The following CHRM2 variants were observed in gnomAD, a reference collection of about 807,000 sequenced individuals.
The protein encoded by CHRM2 is muscarinic acetylcholine receptor M2.
Under a neutral mutation model 25.0 loss-of-function variants are expected in CHRM2, and 8 were observed. The observed-to-expected ratio is 0.32, with a 90% CI of 0.19 to 0.58. The LOEUF (loss-of-function observed/expected upper bound fraction) is 0.58, where lower values mean the gene tolerates loss of function less well. Among genes scored for constraint, CHRM2 ranks in the 20% least tolerant of loss-of-function variants. The pLI is 0.88. For synonymous variants in CHRM2, 202 were observed against 205.7 expected (o/e 0.98, Z 0.15); for missense variants, 440 against 567.1 (o/e 0.78, Z 2.28).
chr7:137,015,851 C>A lies in CHRM2; in HGVS notation c.986C>A (p.Thr329Asn). Residue 329 changes from threonine (T) to asparagine (N), a missense_variant, in exon 4 of 4, where the codon ACC (threonine) becomes AAC (asparagine). Physicochemically the swap from Thr to Asn is moderately conservative, Grantham distance 65. Transcript: ENST00000680005. The surrounding 1 kb of genome is among the most constrained non-coding windows in gnomAD (Gnocchi z 5.1). ...NSKQTCIRIG[T>N]KTPKSDSCTP... ...AAGCAAACATGCATCAGAATTGGCACCAAGACCCCAAAAAGTGACTCATGT... is the reference window on the plus strand; with the variant it reads ...AAGCAAACATGCATCAGAATTGGCAACAAGACCCCAAAAAGTGACTCATGT... 6.2e-7 allele frequency: 1 copy of A among 1,612,984 alleles called. No homozygotes were observed. The highest frequency in any genetic ancestry group is 1.3e-5 in the African/African-American group (1 of 74,910).
intron 2 of CHRM2, among the ~76,000 whole-genome samples, chr7:136,989,474 T>C (rs1803074006): frequency 6.6e-6 from 1 of 152,152 alleles, no homozygotes; most frequent in South Asian, 2.1e-4. Context: ...CTATCTTGTC[T>C]TGCAAACTAA....
At chr7:137,006,418 G>A (rs1286549652) in intron 3 of CHRM2, among the ~76,000 whole-genome samples, 1 of 152,030 alleles carries the variant, frequency 6.6e-6, no homozygotes, top group Non-Finnish European at 1.5e-5. Context: ...TTTTGAAGAG[G>A]AGAAAAGATA....
At chr7:136,894,734 A>G (rs1329394858) in intron 2 of CHRM2, among the ~76,000 whole-genome samples, 3 of 152,130 alleles carry the variant, frequency 2.0e-5, no homozygotes, top group Non-Finnish European at 4.4e-5. Context: ...AAATGTTCTT[A>G]ATGGTTTTTA....
At chr7:136,953,372 T>A (rs760038607) in intron 2 of CHRM2, among the ~76,000 whole-genome samples, 1 of 152,210 alleles carries the variant, frequency 6.6e-6, no homozygotes, top group Non-Finnish European at 1.5e-5. Context: ...TGATCCTCTA[T>A]AAATTACCAA....
At chr7:136,999,690 TG>T (rs1266851629) in intron 3 of CHRM2, among the ~76,000 whole-genome samples, 2 of 152,190 alleles carry the variant, frequency 1.3e-5, no homozygotes, top group African/African-American at 4.8e-5. Context: ...ATTCTTGCTC[TG>T]GATATCCAAA....
At chr7:136,897,897 C>A (rs1163725841) in intron 2 of CHRM2, among the ~76,000 whole-genome samples, 1 of 152,074 alleles carries the variant, frequency 6.6e-6, no homozygotes, top group Non-Finnish European at 1.5e-5. Context: ...AAATAAAATT[C>A]TAAATGTCAT....
chr7:136,949,623 G>A (rs929090804), intron 2 of CHRM2, among the ~76,000 whole-genome samples: 2 of 151,934 alleles, frequency 1.3e-5, no homozygotes, highest in African/African-American at 4.8e-5. Flanking sequence ...ACAAGATCCT[G>A]TATTGAAAAG....
intron 3 of CHRM2, among the ~76,000 whole-genome samples, chr7:137,006,929 C>T (rs324644): frequency 0.52 from 78,734 of 151,428 alleles, 21,744 homozygotes; most frequent in African/African-American, 0.66. Context: ...TTTCTGTGTG[C>T]TTTTGAACCT....
chr7:136,977,592 C>T (rs1055431598), intron 2 of CHRM2, among the ~76,000 whole-genome samples: 3 of 152,148 alleles, frequency 2.0e-5, no homozygotes, highest in Non-Finnish European at 2.9e-5. Flanking sequence ...AGGTTTCTCA[C>T]AGAAATTACT....
rs1407356378 is a variant in CHRM2, at chr7:136,869,386, C to G, written c.-157C>G. The G allele has an allele frequency of 6.6e-6, 1 of 152,344 alleles. No individual in the cohort carries two copies. The highest frequency in any genetic ancestry group is 1.5e-5 in the Non-Finnish European group (1 of 68,174). 9.4% of individuals were successfully genotyped at this position (152,344 alleles called of 1,614,324 possible). ...CCTTCAAGCCTCCACCACCTCGCAG[C>G]CGGGGAGGCAACTGGAGCGAAACCA... is the stretch of plus-strand genomic sequence containing the variant. On this transcript the variant is annotated 5_prime_UTR_variant, in exon 2 of 4. Coordinates refer to ENST00000680005, the MANE Select transcript of CHRM2 (RefSeq NM_001006630.2). This position sits in a 1 kb window ranked among gnomAD's most constrained non-coding sequence, Gnocchi z 4.9.
chr7:136,920,935 A>G (rs1436432046), intron 2 of CHRM2, among the ~76,000 whole-genome samples: 2 of 152,092 alleles, frequency 1.3e-5, no homozygotes, highest in Non-Finnish European at 2.9e-5. Context: ...TTTCCTAAAT[A>G]TCCCTTCTAA....
chr7:136,950,597 C>T (rs1800350332), intron 2 of CHRM2, among the ~76,000 whole-genome samples: 1 of 152,006 alleles, frequency 6.6e-6, no homozygotes, highest in African/African-American at 2.4e-5. Context: ...AATAAAAATT[C>T]CAGTGAACGA....
At chr7:136,987,334 C>G (rs1802924679) in intron 2 of CHRM2, among the ~76,000 whole-genome samples, 1 of 152,198 alleles carries the variant, frequency 6.6e-6, no homozygotes, top group Admixed American at 6.5e-5. Context: ...CTCTATGTCA[C>G]TGGGCTTCCT....
At chr7:136,999,535 T>C (rs1439458693) in intron 3 of CHRM2, among the ~76,000 whole-genome samples, 3 of 151,998 alleles carry the variant, frequency 2.0e-5, no homozygotes, top group African/African-American at 7.2e-5. Flanking sequence ...CTCCTAATGC[T>C]ATCCCTCCCC....
At chr7:136,879,414 G>C (rs554471722) in intron 2 of CHRM2, among the ~76,000 whole-genome samples, 1 of 152,040 alleles carries the variant, frequency 6.6e-6, no homozygotes, top group South Asian at 2.1e-4. Context: ...GGATAAACCT[G>C]CTTGGAATAA....
chr7:136,936,465 T>A (rs994282001), intron 2 of CHRM2, among the ~76,000 whole-genome samples: 3 of 152,180 alleles, frequency 2.0e-5, no homozygotes, highest in African/African-American at 7.2e-5. Context: ...CTAAATGGTC[T>A]GTTAAATGAC....
intron 2 of CHRM2, among the ~76,000 whole-genome samples, chr7:136,907,196 G>A (rs1047710307): frequency 1.3e-5 from 2 of 151,894 alleles, no homozygotes; most frequent in African/African-American, 4.8e-5. Context: ...CTGCTCTGTG[G>A]CCTGTTTCCT....
At position 137,014,826 on chromosome 7, in the gene CHRM2, A is replaced by G; in HGVS notation, c.-40A>G. On this transcript the variant is annotated 5_prime_UTR_variant, in exon 4 of 4. It removes an upstream start codon present in the reference 5' UTR. Coordinates refer to ENST00000680005, the MANE Select transcript of CHRM2 (RefSeq NM_001006630.2). The stretch of plus-strand genomic sequence containing the variant: ...TTATTCTATTTCCTTGCAGGTTTAA[A>G]TGTTTATTTGCTACTTGGCTACTGA... The G allele has an allele frequency of 6.6e-7, 1 of 1,523,416 alleles. No homozygotes were observed. Among genetic ancestry groups the G allele is most frequent in the Admixed American group, 1.7e-5 (1 of 59,674 alleles). The allele number at this position is 1,523,416 out of a possible 1,614,324, so 94.4% of individuals were successfully genotyped here.
intron 2 of CHRM2, among the ~76,000 whole-genome samples, chr7:136,909,726 C>A (rs534571699): frequency 4.7e-4 from 72 of 151,984 alleles, no homozygotes; most frequent in Middle Eastern, 3.4e-3. Flanking sequence ...ACCTACCTAA[C>A]CATACACCTT....
Sources: gnomAD v4.1 joint callset for allele counts (sites outside exome capture counted in the v4.1 genomes callset) on GRCh38, gnomAD v4.1.1 for gene constraint, Gnocchi (gnomAD v3.1) non-coding constraint, MANE v1.5 for transcripts, NCBI Gene and HGNC (gene_info 2026-07-23, HGNC 2026-07-21) for gene names.